Variants in MALRD1 observed in about 807,000 individuals in gnomAD.
MALRD1 encodes MAM and LDL receptor class A domain containing 1.
In MALRD1, 247 loss-of-function variants were observed where a neutral mutation model predicts 242.1. That is an observed-to-expected ratio of 1.02 (90% confidence interval 0.92 to 1.13). The LOEUF is 1.13. Ranked by LOEUF, MALRD1 falls within the 50% of genes most tolerant of loss-of-function variation. The probability of loss-of-function intolerance (pLI) is 0.00; values close to 1 mark genes in which losing one functional copy is unlikely to be tolerated. For missense variants in MALRD1, 2,989 were observed against 2,533.1 expected (o/e 1.18, Z -3.86); for synonymous variants, 995 against 866.6 (o/e 1.15, Z -2.60).
intron 4 of MALRD1, among the ~76,000 whole-genome samples, chr10:19,088,591 T>A (rs1402100155): frequency 4.2e-5 from 4 of 94,858 alleles, no homozygotes; most frequent in Non-Finnish European, 7.8e-5. Flanking sequence ...ATTTATTTAT[T>A]TTTTTTTATT....
At chr10:19,332,497 A>G (rs1843421206) in intron 24 of MALRD1, among the ~76,000 whole-genome samples, 1 of 152,184 alleles carries the variant, frequency 6.6e-6, no homozygotes, top group Admixed American at 6.5e-5. Flanking sequence ...AAGATTGTGC[A>G]ACATAGTCCA....
intron 11 of MALRD1, among the ~76,000 whole-genome samples, chr10:19,154,571 A>G (rs1471463084): frequency 6.6e-6 from 1 of 152,206 alleles, no homozygotes; most frequent in Non-Finnish European, 1.5e-5. Context: ...AAAATCTAAA[A>G]GCGGTGATTT....
chr10:19,304,987 TC>T (rs1842103067), intron 21 of MALRD1, among the ~76,000 whole-genome samples: 1 of 151,686 alleles, frequency 6.6e-6, no homozygotes, highest in Non-Finnish European at 1.5e-5. Flanking sequence ...TGACAAAGCA[TC>T]CCCAATCATT....
At chr10:19,707,234 C>T (rs1051580742) in intron 38 of MALRD1, among the ~76,000 whole-genome samples, 2 of 152,032 alleles carry the variant, frequency 1.3e-5, no homozygotes, top group Admixed American at 6.6e-5. Context: ...TCCTTCTCCT[C>T]CTTCTCCTTC....
chr10:19,698,622 C>G lies in MALRD1; in HGVS notation c.6314+6068C>G, dbSNP rs186567322. On this transcript the variant is annotated intron_variant, in intron 38 of 39. Coordinates refer to ENST00000454679, the MANE Select transcript of MALRD1 (RefSeq NM_001142308.3). ...GGAGAGGAAGATACCATCACCAGCA[C>G]TACCCAAAACCAATGATGGAAAGAC... 5.3e-5 allele frequency among the ~76,000 whole-genome samples: 8 copies of G among 152,278 alleles called. No homozygotes were observed. In the East Asian group the frequency reaches 1.5e-3, roughly 29 times the overall value.
intron 18 of MALRD1, among the ~76,000 whole-genome samples, chr10:19,225,078 C>T (rs1012727871): frequency 6.6e-6 from 1 of 152,148 alleles, no homozygotes; most frequent in East Asian, 1.9e-4. Flanking sequence ...TTCCCATCAC[C>T]ATTTATTAAA....
intron 14 of MALRD1, among the ~76,000 whole-genome samples, chr10:19,196,834 T>C (rs1836284057): frequency 6.6e-6 from 1 of 152,162 alleles, no homozygotes; most frequent in Non-Finnish European, 1.5e-5. Context: ...TTAACTTCTG[T>C]TTTTCTCATA....
chr10:19,695,777 G>A lies in MALRD1; in HGVS notation c.6314+3223G>A, dbSNP rs527559138. 2.6e-5 allele frequency among the ~76,000 whole-genome samples: 4 copies of A among 152,172 alleles called. No homozygotes were observed. The South Asian group carries it at 6.2e-4, about 24-fold the overall frequency. ...CTGACCTCGTAATCCACCTGCCTCA[G>A]CCTCCCAAAGTGCTGGGATTACAGG... On this transcript the variant is annotated intron_variant, in intron 38 of 39. Coordinates refer to ENST00000454679, the MANE Select transcript of MALRD1 (RefSeq NM_001142308.3).
chr10:19,587,691 A>G (rs549672692), intron 33 of MALRD1, among the ~76,000 whole-genome samples: 3 of 152,350 alleles, frequency 2.0e-5, no homozygotes, highest in South Asian at 2.1e-4. Context: ...AACACCTACA[A>G]TATCAGGAAC....
chr10:19,616,016 T>C, intron 36 of MALRD1, 93 bp downstream of exon 36: 1 of 891,978 alleles, frequency 1.1e-6, no homozygotes, highest in Non-Finnish European at 1.7e-6. Flanking sequence ...ATCAATCAGT[T>C]TGTGGTTAGT....
chr10:19,484,395 G>C (rs1564380726), intron 29 of MALRD1, among the ~76,000 whole-genome samples: 1 of 152,156 alleles, frequency 6.6e-6, no homozygotes, highest in East Asian at 1.9e-4. Flanking sequence ...ACATGAAAAA[G>C]AGAGTGCATG....
chr10:19,456,876 G>A (rs539058851), intron 29 of MALRD1, among the ~76,000 whole-genome samples: 8 of 151,816 alleles, frequency 5.3e-5, no homozygotes, highest in Non-Finnish European at 1.2e-4. Context: ...GGGTTCAAGC[G>A]ATTCTCATGC....
At chr10:19,386,432 G>T (rs1343098360) in intron 26 of MALRD1, among the ~76,000 whole-genome samples, 1 of 151,556 alleles carries the variant, frequency 6.6e-6, no homozygotes, top group East Asian at 1.9e-4. Context: ...AAAAATGTCA[G>T]ATCCTGTAGT....
At chr10:19,574,735 C>T (rs1836724018) in intron 33 of MALRD1, among the ~76,000 whole-genome samples, 1 of 152,088 alleles carries the variant, frequency 6.6e-6, no homozygotes, top group African/African-American at 2.4e-5. Flanking sequence ...CTAACTCTGC[C>T]ATTTTATGAT....
At chr10:19,687,965 TATGTTATGTTATGTTA>T (rs1842658793) in intron 36 of MALRD1, among the ~76,000 whole-genome samples, 1 of 148,594 alleles carries the variant, frequency 6.7e-6, no homozygotes. Flanking sequence ...TATGTTATGT[TATGTTATGTTATGTTA>T]TTTTTGGAGA....
intron 1 of MALRD1, among the ~76,000 whole-genome samples, chr10:19,065,840 AT>A (rs1191452881): frequency 6.6e-6 from 1 of 152,182 alleles, no homozygotes; most frequent in Admixed American, 6.5e-5. Context: ...GAGGCGCTGT[AT>A]TTAATTTCAG....
chr10:19,175,378 T>C (rs1835185006), intron 14 of MALRD1, 50 bp downstream of exon 14: 1 of 1,206,672 alleles, frequency 8.3e-7, no homozygotes, highest in South Asian at 4.2e-5. Flanking sequence ...AATTAAGCTC[T>C]TCTCAGTATC....
chr10:19,102,857 C>CTTCT lies in MALRD1; in HGVS notation c.598-1120_598-1119insCTTT, dbSNP rs1554789027. Among the ~76,000 whole-genome samples the CTTCT allele has an allele frequency of 6.6e-5, 10 of 150,856 alleles. No individual in the cohort carries two copies. The East Asian group carries it at 7.8e-4, about 12-fold the overall frequency. On this transcript the variant is annotated intron_variant, in intron 4 of 39. Coordinates refer to ENST00000454679, the MANE Select transcript of MALRD1 (RefSeq NM_001142308.3). Reference sequence around the variant, plus strand: ...CTAATGTCACGTTCAGTCATTTCTTCTTTTTTTTTGAGAACAAGTCTTACT... The same window carrying CTTCT: ...CTAATGTCACGTTCAGTCATTTCTTCTTCTTTTTTTTTTGAGAACAAGTCTTACT...
intron 32 of MALRD1, among the ~76,000 whole-genome samples, chr10:19,555,098 G>A (rs1201547263): frequency 2.0e-5 from 3 of 151,488 alleles, no homozygotes; most frequent in Admixed American, 1.3e-4. Context: ...ACTGGCATGA[G>A]ATGATATCTC....
Sources: allele counts gnomAD v4.1 joint callset (sites outside exome capture counted in the v4.1 genomes callset), GRCh38; gene constraint gnomAD v4.1.1; transcripts MANE v1.5; gene names NCBI Gene and HGNC (gene_info 2026-07-23, HGNC 2026-07-21).